The following CMYA5 variants were observed in gnomAD, a reference collection of about 807,000 sequenced individuals.
The protein encoded by CMYA5 is cardiomyopathy associated 5, also known as cardiomyopathy-associated protein 5.
CMYA5 carries 246 observed loss-of-function variants against 318.9 expected under a neutral mutation model. The observed-to-expected ratio is 0.77, with a 90% CI of 0.70 to 0.86. The LOEUF is 0.86. Among genes scored for constraint, CMYA5 ranks in the 40% least tolerant of loss-of-function variants. The pLI is 0.00. For synonymous variants in CMYA5, 1,641 were observed against 1,729.5 expected, an observed-to-expected ratio of 0.95 and a Z score of 1.27; for missense variants, 4,589 against 4,678.2, an observed-to-expected ratio of 0.98 and a Z score of 0.56.
In CMYA5 at chr5:79,735,024, A is replaced by G; in HGVS notation, c.6259A>G (p.Lys2087Glu). ...TGTGGAACCTGCATTGGGCAATGAA[A>G]AAGAAGCACACAGGAGCACACCTCC... is the stretch of plus-strand genomic sequence containing the variant. ...EGVEPALGNE[K>E]EAHRSTPPFP... Residue 2087 changes from lysine (K) to glutamate (E), a missense_variant, in exon 2 of 13, where the codon AAA (lysine) becomes GAA (glutamate). Around this residue, in one of 3 missense-constraint regions of CMYA5, gnomAD observed 2,431 missense variants for 2,495.1 expected, o/e 0.97. Coordinates refer to ENST00000446378, the MANE Select transcript of CMYA5 (RefSeq NM_153610.5). 1 of 1,613,762 alleles carries G rather than the reference A, an allele frequency of 6.2e-7. No homozygotes were observed. The highest frequency in any genetic ancestry group is 1.1e-5 in the South Asian group (1 of 91,042).
chr5:79,750,705 G>A (rs111566179), intron 5 of CMYA5, among the ~76,000 whole-genome samples: 2 of 152,148 alleles, frequency 1.3e-5, no homozygotes, highest in Admixed American at 6.5e-5. Flanking sequence ...AGAAAATGCT[G>A]TTTGTTGAGG....
rs1460040161 is a variant in CMYA5 at position 79,761,972 on chromosome 5, G to A, written c.11407+15G>A. The stretch of plus-strand genomic sequence containing the variant: ...CTTTAGGACAGGTAAGGAGATGGAT[G>A]CTAAGGGTGCATTAGAAGACAACGC... On this transcript the variant is annotated intron_variant, in intron 8 of 12. Coordinates refer to ENST00000446378, the MANE Select transcript of CMYA5 (RefSeq NM_153610.5). 1.9e-6 allele frequency: 3 copies of A among 1,606,188 alleles called. No homozygotes were observed. Among genetic ancestry groups the A allele is most frequent in the African/African-American group, 2.7e-5 (2 of 74,842 alleles).
intron 1 of CMYA5, among the ~76,000 whole-genome samples, chr5:79,727,002 G>A (rs1012676011): frequency 1.3e-4 from 18 of 135,630 alleles, no homozygotes; most frequent in Middle Eastern, 4.1e-3. Context: ...TGCAACCTCC[G>A]CCTCCTGGGT....
At chr5:79,715,886 G>T (rs1246295303) in intron 1 of CMYA5, among the ~76,000 whole-genome samples, 1 of 152,166 alleles carries the variant, frequency 6.6e-6, no homozygotes, top group East Asian at 1.9e-4. Context: ...GTTCTGTGCT[G>T]CTTACAGAGC....
intron 1 of CMYA5, among the ~76,000 whole-genome samples, chr5:79,702,075 G>T (rs977904382): frequency 2.0e-5 from 3 of 152,076 alleles, no homozygotes; most frequent in East Asian, 1.9e-4. Flanking sequence ...CTGCACTCCA[G>T]CCTGGGTGAC....
rs1039060013 is a variant in CMYA5 at position 79,737,806 on chromosome 5, C to A, written c.9041C>A (p.Thr3014Asn). Residue 3014 changes from threonine to asparagine, a missense_variant, in exon 2 of 13, where the codon ACC (threonine) becomes AAC (asparagine). Thr to Asn is a moderately conservative substitution (Grantham distance 65). This residue lies in a region of CMYA5 where 2,431 missense variants were observed against 2,495.1 expected (regional missense o/e 0.97). Coordinates refer to ENST00000446378, the MANE Select transcript of CMYA5 (RefSeq NM_153610.5). ...AGCAGGTTAGAAGATGAAAAAGTTA[C>A]CCCATTGAAAGAAAATAAACAAAAG... ...LKSRLEDEKVTPLKENKQKET... is the reference protein window; with the variant it reads ...LKSRLEDEKVNPLKENKQKET... 10 of 1,608,302 alleles carry A rather than the reference C, an allele frequency of 6.2e-6. No homozygotes were observed. The highest frequency in any genetic ancestry group is 3.4e-5 in the South Asian group (3 of 89,074).
intron 4 of CMYA5, among the ~76,000 whole-genome samples, chr5:79,746,070 C>T (rs1488406849): frequency 6.6e-6 from 1 of 152,214 alleles, no homozygotes; most frequent in Non-Finnish European, 1.5e-5. Flanking sequence ...AGAGACACCT[C>T]TGTGCTCCCT....
At position 79,738,407 on chromosome 5, in the gene CMYA5, T is replaced by C. The variant is rs1299603285; in HGVS notation, c.9642T>C (p.Gly3214=). Residue 3214 remains glycine, a synonymous_variant, in exon 2 of 13, where the codon GGT becomes GGC. Coordinates refer to ENST00000446378, the MANE Select transcript of CMYA5 (RefSeq NM_153610.5). ...AGGAAGAGGAGACAGCTTCTGAAGG[T>C]GACAGTGTGAATTCTGAGGCATCAT... is the stretch of plus-strand genomic sequence containing the variant. ...KKKEEETASE[G]DSVNSEASFP... is the part of the protein sequence containing the mutation. 1 of 1,613,736 alleles carries C rather than the reference T, an allele frequency of 6.2e-7. No individual in the cohort carries two copies. Among genetic ancestry groups the C allele is most frequent in the Admixed American group, 1.7e-5 (1 of 59,946 alleles).
rs1170919197 is a variant in CMYA5, at chr5:79,731,020, C to CCT, written c.2263_2264dup (p.Pro756HisfsTer32). 1.9e-6 allele frequency: 3 copies of CCT among 1,613,430 alleles called. No homozygotes were observed. In the African/African-American group the frequency reaches 4.0e-5, roughly 22 times the overall value. ...CCAGCTGTGGCCCCTGCTTCTGAGCCCTCTCTCTCACCATCCACAACCGAA... is the reference window on the plus strand; with the variant it reads ...CCAGCTGTGGCCCCTGCTTCTGAGCCCTCTCTCTCTCACCATCCACAACCGAA... On this transcript the variant is annotated frameshift_variant, in exon 2 of 13. Coordinates refer to ENST00000446378, the MANE Select transcript of CMYA5 (RefSeq NM_153610.5). LOFTEE classifies it high-confidence loss of function.
At position 79,793,591 on chromosome 5, in the gene CMYA5, C is replaced by A; in HGVS notation, c.11944C>A (p.His3982Asn). The A allele has an allele frequency of 6.2e-7, 1 of 1,610,162 alleles. No individual in the cohort carries two copies. Among genetic ancestry groups the A allele is most frequent in the Non-Finnish European group, 8.5e-7 (1 of 1,176,874 alleles). The change falls in exon 12 of 13, where the codon CAC becomes AAC. Residue 3982 changes from histidine (H) to asparagine (N), a missense_variant. This residue lies in a region of CMYA5 where 2,431 missense variants were observed against 2,495.1 expected (regional missense o/e 0.97). Transcript: ENST00000446378. Reference protein sequence around the residue: ...LGQGETSWYMHCSEPQRYTFF... With the variant: ...LGQGETSWYMNCSEPQRYTFF... The stretch of plus-strand genomic sequence containing the variant: ...ACAAGGGGAGACCTCATGGTACATG[C>A]ACTGCTCTGAGCCACAGAGGTAAGC...
At chr5:79,696,160 G>A (rs745893817) in intron 1 of CMYA5, among the ~76,000 whole-genome samples, 4 of 152,148 alleles carry the variant, frequency 2.6e-5, no homozygotes, top group Admixed American at 2.6e-4. Flanking sequence ...GATTGACAAT[G>A]CCCAGTGAAT....
At position 79,738,627 on chromosome 5, in the gene CMYA5, A is replaced by T; in HGVS notation, c.9862A>T (p.Thr3288Ser). 6.2e-7 allele frequency: 1 copy of T among 1,613,876 alleles called. No individual in the cohort carries two copies. The highest frequency in any genetic ancestry group is 8.5e-7 in the Non-Finnish European group (1 of 1,179,836). ...AEGEIWGKFG[T>S]ICREKSLEEQ... ...AGGGGAAATTTGGGGAAAGTTTGGA[A>T]CTATTTGCAGGGAGAAGAGTCTGGA... Residue 3288 changes from threonine to serine, a missense_variant, in exon 2 of 13, where the codon ACT becomes TCT. Coordinates refer to ENST00000446378, the MANE Select transcript of CMYA5 (RefSeq NM_153610.5).
At position 79,793,489 on chromosome 5, in the gene CMYA5, G is replaced by C. The variant is rs1829215803; in HGVS notation, c.11842G>C (p.Glu3948Gln). The part of the protein sequence containing the change: ...ELPSCGQHYW[E>Q]TTVTDCPAYR... ...GCCTTCCTGTGGCCAGCATTACTGG[G>C]AAACCACAGTCACAGACTGCCCAGC... Residue 3948 changes from glutamate to glutamine, a missense_variant, in exon 12 of 13, where the codon GAA becomes CAA. By Grantham distance (29) the Glu-to-Gln change is conservative. Coordinates refer to ENST00000446378, the MANE Select transcript of CMYA5 (RefSeq NM_153610.5). The C allele has an allele frequency of 2.5e-6, 4 of 1,613,766 alleles. No homozygotes were observed. The highest frequency in any genetic ancestry group is 1.3e-5 in the African/African-American group (1 of 74,896).
chr5:79,706,724 T>TG (rs146417035), intron 1 of CMYA5, among the ~76,000 whole-genome samples: 3,211 of 151,988 alleles, frequency 0.021, 115 homozygotes, highest in African/African-American at 0.072. Context: ...AGGCTCTCTG[T>TG]GGGGGGAAGC....
chr5:79,735,937 C>T lies in CMYA5; in HGVS notation c.7172C>T (p.Ala2391Val), dbSNP rs929894446. The change falls in exon 2 of 13, where the codon GCT becomes GTT. Residue 2391 changes from alanine (A) to valine (V), a missense_variant. Ala to Val is a moderately conservative substitution (Grantham distance 64, BLOSUM62 0). Coordinates refer to ENST00000446378, the MANE Select transcript of CMYA5 (RefSeq NM_153610.5). ...VDKVPQQPKS[A>V]SSNFASKNIT... ...AAGGTGCCACAACAGCCAAAATCAG[C>T]TTCCTCCAACTTTGCAAGTAAAAAT... 1 of 1,609,964 alleles carries T rather than the reference C, an allele frequency of 6.2e-7. No homozygotes were observed. Among genetic ancestry groups the T allele is most frequent in the Non-Finnish European group, 8.5e-7 (1 of 1,178,810 alleles).
At chr5:79,742,084 TTCTTCTTCTTCTTCTTTCTTCTTC>T (rs1561215599) in intron 2 of CMYA5, among the ~76,000 whole-genome samples, 5 of 120,882 alleles carry the variant, frequency 4.1e-5, no homozygotes, top group African/African-American at 1.9e-4. Flanking sequence ...CTTCTTCTTC[TTCTTCTTCTTCTTCTTTCTTCTTC>T]TCTTCTTCTT....
At chr5:79,728,618 G>A (rs537961973) in intron 1 of CMYA5, among the ~76,000 whole-genome samples, 3 of 152,152 alleles carry the variant, frequency 2.0e-5, no homozygotes, top group South Asian at 2.1e-4. Context: ...GCTGAGTCCC[G>A]ACAAGATCAG....
Position 79,745,365 on chromosome 5 carries a change from C to A in CMYA5, c.10878C>A (p.Val3626=). The A allele has an allele frequency of 6.2e-7, 1 of 1,613,910 alleles. No individual in the cohort carries two copies. The highest frequency in any genetic ancestry group is 8.5e-7 in the Non-Finnish European group (1 of 1,179,852). The part of the protein sequence containing the change: ...KKMEFLHEQM[V]HFLQSMDTAK... Reference sequence around the variant, plus strand: ...TGGAGTTCCTGCATGAGCAGATGGTCCACTTTCTGCAGAGCATGGACACTG... The same window carrying A: ...TGGAGTTCCTGCATGAGCAGATGGTACACTTTCTGCAGAGCATGGACACTG... The change falls in exon 4 of 13, where the codon GTC becomes GTA. Residue 3626 remains valine (V), a synonymous_variant. Coordinates refer to ENST00000446378, the MANE Select transcript of CMYA5 (RefSeq NM_153610.5).
intron 1 of CMYA5, among the ~76,000 whole-genome samples, chr5:79,710,503 A>G (rs1039920224): frequency 6.6e-6 from 1 of 152,186 alleles, no homozygotes; most frequent in Non-Finnish European, 1.5e-5. Flanking sequence ...GTATTTTTTA[A>G]TTTAAAAAAA....
Sources: allele counts gnomAD v4.1 joint callset (sites outside exome capture counted in the v4.1 genomes callset), GRCh38; gene constraint gnomAD v4.1.1; regional missense constraint gnomAD v4.1.1; transcripts MANE v1.5; gene names NCBI Gene and HGNC (gene_info 2026-07-23, HGNC 2026-07-21).